The following FBLN2 variants were observed in gnomAD, a reference collection of about 807,000 sequenced individuals.
FBLN2 encodes the protein fibulin-2.
Under a neutral mutation model 123.7 loss-of-function variants are expected in FBLN2, and 81 were observed. The ratio of observed to expected loss-of-function variants is 0.65; its 90% CI spans 0.55 to 0.79. The LOEUF (loss-of-function observed/expected upper bound fraction) is 0.79. Among genes scored for constraint, FBLN2 ranks in the 30% least tolerant of loss-of-function variants. The pLI is 0.00. For synonymous variants in FBLN2, 699 were observed against 701.4 expected, an observed-to-expected ratio of 1.00 and a Z score of 0.05; for missense variants, 1,603 against 1,681.3, an observed-to-expected ratio of 0.95 and a Z score of 0.81.
chr3:13,565,888 C>T (rs149402547), intron 1 of FBLN2, among the ~76,000 whole-genome samples: 70 of 152,354 alleles, frequency 4.6e-4, no homozygotes, highest in African/African-American at 1.6e-3. Flanking sequence ...ATGGGTACTG[C>T]CTTGCAAAGA....
In FBLN2 at chr3:13,571,740, C is replaced by G. The variant is rs1024053199; in HGVS notation, c.1306+79C>G. On this transcript the variant is annotated intron_variant, in intron 2 of 17. Coordinates refer to ENST00000404922, the MANE Select transcript of FBLN2 (RefSeq NM_001004019.2). ...GGGCTCTGGCCGCTGCCCCAGGTCT[C>G]TGCCTGGGGCTGGGGATGCTGGACT... 7.7e-6 allele frequency: 11 copies of G among 1,423,468 alleles called. No homozygotes were observed. The Admixed American group carries it at 2.2e-4, about 28-fold the overall frequency. 88.2% of individuals were successfully genotyped at this position (1,423,468 alleles called of 1,614,324 possible).
intron 2 of FBLN2, among the ~76,000 whole-genome samples, chr3:13,597,005 C>T (rs902489305): frequency 2.0e-5 from 3 of 152,112 alleles, no homozygotes; most frequent in Non-Finnish European, 1.5e-5. Flanking sequence ...GATCATAGCT[C>T]AATGCAGCCT....
intron 1 of FBLN2, among the ~76,000 whole-genome samples, chr3:13,556,878 C>T (rs1225126169): frequency 6.6e-6 from 1 of 152,234 alleles, no homozygotes; most frequent in Non-Finnish European, 1.5e-5. Context: ...CCCACTACAT[C>T]CTCCTGGAAG....
intron 2 of FBLN2, among the ~76,000 whole-genome samples, chr3:13,601,571 C>T (rs1705033632): frequency 1.3e-5 from 2 of 152,226 alleles, no homozygotes; most frequent in South Asian, 4.1e-4. Context: ...ATGGTGAGCA[C>T]TGATCCCGGC....
At chr3:13,617,686 ACCATCCATCCAT>A (rs574629860) in intron 5 of FBLN2, among the ~76,000 whole-genome samples, 5 of 61,894 alleles carry the variant, frequency 8.1e-5, no homozygotes, top group Non-Finnish European at 1.2e-4. Context: ...CATCCATCTA[ACCATCCATCCAT>A]CCATCCATCC....
chr3:13,631,975 G>A (rs1479912577), intron 16 of FBLN2, among the ~76,000 whole-genome samples: 2 of 150,242 alleles, frequency 1.3e-5, no homozygotes, highest in Non-Finnish European at 3.0e-5. Context: ...GGGAGGGGCT[G>A]CACAATGGGA....
intron 1 of FBLN2, among the ~76,000 whole-genome samples, chr3:13,549,483 C>G (rs1441888268): frequency 2.0e-5 from 3 of 151,862 alleles, no homozygotes; most frequent in Non-Finnish European, 4.4e-5. Flanking sequence ...GCGGGTTCCC[C>G]CACCCCAGGT....
chr3:13,607,891 C>A (rs1489103542), intron 2 of FBLN2, among the ~76,000 whole-genome samples, 171 bp from the exon 3 acceptor site: 1 of 152,164 alleles, frequency 6.6e-6, no homozygotes, highest in African/African-American at 2.4e-5. Context: ...CTCCACCTCG[C>A]AGACAGTTCA....
chr3:13,582,956 G>T (rs1280036086), intron 2 of FBLN2, among the ~76,000 whole-genome samples: 1 of 152,236 alleles, frequency 6.6e-6, no homozygotes, highest in Non-Finnish European at 1.5e-5. Context: ...GGCAGGGTTG[G>T]GCAGGGGCCG....
At chr3:13,581,062 C>T (rs1172278585) in intron 2 of FBLN2, among the ~76,000 whole-genome samples, 1 of 152,212 alleles carries the variant, frequency 6.6e-6, no homozygotes, top group Admixed American at 6.5e-5. Context: ...AGATTAGAAA[C>T]ACACAGGTGT....
Position 13,619,804 on chromosome 3 carries a change from A to G in FBLN2, c.2128A>G (p.Ile710Val), listed in dbSNP as rs781729573. The change falls in exon 8 of 18, where the codon ATC (isoleucine) becomes GTC (valine). Residue 710 changes from isoleucine to valine, a missense_variant. Physicochemically the swap from Ile to Val is conservative, Grantham distance 29 (BLOSUM62 3). Coordinates refer to ENST00000404922, the MANE Select transcript of FBLN2 (RefSeq NM_001004019.2). ...ATGCTCCTGTTTTCCCGGCTATGCC[A>G]TCATGGCGGATGGCGTGTCCTGTGA... is the stretch of plus-strand genomic sequence containing the variant. ...AICSCFPGYA[I>V]MADGVSCEDQ... 6.4e-5 allele frequency: 104 copies of G among 1,612,800 alleles called. No homozygotes were observed. The highest frequency in any genetic ancestry group is 1.7e-4 in the African/African-American group (13 of 75,012).
intron 1 of FBLN2, chr3:13,566,492 T>C (rs1574946635): frequency 6.6e-6 from 1 of 152,340 alleles, no homozygotes; most frequent in South Asian, 2.1e-4. Flanking sequence ...ACACGCCCCA[T>C]TGGGAGCAGC....
chr3:13,638,074 C>T lies in FBLN2; in HGVS notation c.*155C>T, dbSNP rs752266871. 16 of 738,932 alleles carry T rather than the reference C, an allele frequency of 2.2e-5. No individual in the cohort carries two copies. In the Admixed American group the frequency reaches 3.8e-4, roughly 17 times the overall value. The allele number at this position is 738,932 out of a possible 1,614,324, so 45.8% of individuals were successfully genotyped here. A position where few individuals can be genotyped will look rare whatever the true frequency, so the allele number is the denominator to read the frequency against. On this transcript the variant is annotated 3_prime_UTR_variant, in exon 18 of 18. Transcript: ENST00000404922. ...TGGCTTCTGGACCCCTCCTCTGCCC[C>T]GCAGGAGGAAGTTCCACGGCAGGTG...
chr3:13,635,389 CA>C (rs1706422687), intron 16 of FBLN2, among the ~76,000 whole-genome samples: 1 of 151,964 alleles, frequency 6.6e-6, no homozygotes, highest in African/African-American at 2.4e-5. Flanking sequence ...CACACACACA[CA>C]CACACACACC....
chr3:13,551,113 C>T (rs559415399), intron 1 of FBLN2, among the ~76,000 whole-genome samples: 1 of 152,316 alleles, frequency 6.6e-6, no homozygotes, highest in East Asian at 1.9e-4. Flanking sequence ...TCCTGCCTGG[C>T]CTGCGTGGCC....
chr3:13,622,453 C>T (rs1705887200), intron 9 of FBLN2, among the ~76,000 whole-genome samples: 1 of 152,208 alleles, frequency 6.6e-6, no homozygotes, highest in Non-Finnish European at 1.5e-5. Context: ...CAGGGTCCCC[C>T]GCAGAGCTGG....
chr3:13,604,835 G>A (rs559830925), intron 2 of FBLN2, among the ~76,000 whole-genome samples: 12 of 152,354 alleles, frequency 7.9e-5, no homozygotes, highest in Non-Finnish European at 1.8e-4. Flanking sequence ...ACTTAGGAAA[G>A]CTTGGTAACT....
rs541484855 is a variant in FBLN2, at chr3:13,617,860, G to A, written c.1730-216G>A. On this transcript the variant is annotated intron_variant, in intron 5 of 17. Coordinates refer to ENST00000404922, the MANE Select transcript of FBLN2 (RefSeq NM_001004019.2). The stretch of plus-strand genomic sequence containing the variant: ...TCTACCCATCCATCTATACCCATCC[G>A]TCTATCTATTTACCTGCCCACCCAC... 2.2e-5 allele frequency among the ~76,000 whole-genome samples: 3 copies of A among 133,484 alleles called. No homozygotes were observed. In the East Asian group the frequency reaches 7.4e-4, roughly 33 times the overall value. The allele number at this position is 133,484 out of a possible 152,430, so 87.6% of individuals were successfully genotyped here.
chr3:13,626,263 A>G (rs1326754017), intron 9 of FBLN2, among the ~76,000 whole-genome samples, 182 bp from the exon 10 acceptor site: 1 of 152,212 alleles, frequency 6.6e-6, no homozygotes, highest in Admixed American at 6.5e-5. Flanking sequence ...CAGGTGCTCA[A>G]TAAATCTTTG....
Sources: allele counts gnomAD v4.1 joint callset (sites outside exome capture counted in the v4.1 genomes callset), GRCh38; gene constraint gnomAD v4.1.1; transcripts MANE v1.5; gene names NCBI Gene and HGNC (gene_info 2026-07-23, HGNC 2026-07-21).